STON2: variants seen among roughly 807,000 people sequenced by gnomAD.
STON2 encodes stonin 2.
STON2 carries 29 observed loss-of-function variants against 65.7 expected under a neutral mutation model. The observed-to-expected ratio is 0.44, with a 90% CI of 0.33 to 0.60. The LOEUF (loss-of-function observed/expected upper bound fraction) is 0.60, where lower values mean the gene tolerates loss of function less well. Among genes scored for constraint, STON2 ranks in the 20% least tolerant of loss-of-function variants. The pLI, the probability that STON2 is intolerant of heterozygous loss-of-function variation, is 0.03. For missense variants in STON2, 1,054 were observed against 1,118.1 expected (o/e 0.94, Z 0.82); for synonymous variants, 404 against 414.2 (o/e 0.98, Z 0.30).
At chr14:81,404,890 A>T (rs2140460072), upstream of STON2, among the ~76,000 whole-genome samples, 1 of 152,314 alleles carries the variant, frequency 6.6e-6, no homozygotes, top group East Asian at 1.9e-4. Flanking sequence ...TACTTTTCAC[A>T]AGACAGAGAA....
intron 5 of STON2, among the ~76,000 whole-genome samples, chr14:81,303,152 G>A (rs1896037236): frequency 6.6e-6 from 1 of 151,948 alleles, no homozygotes; most frequent in Non-Finnish European, 1.5e-5. Flanking sequence ...CAGAGGATAA[G>A]CAGAGAGAAA....
chr14:81,332,828 C>T (rs116761652), intron 4 of STON2: 1,964 of 164,222 alleles, frequency 0.012, 38 homozygotes, highest in African/African-American at 0.044. Context: ...ATTTTAAGAG[C>T]TTTTTTTTCA....
chr14:81,334,309 T>C (rs1189205459), intron 4 of STON2, among the ~76,000 whole-genome samples: 1 of 152,256 alleles, frequency 6.6e-6, no homozygotes, highest in African/African-American at 2.4e-5. Context: ...CTCCCTCGAC[T>C]ACTTTTTCCC....
intron 5 of STON2, among the ~76,000 whole-genome samples, chr14:81,283,561 C>T (rs1250184326): frequency 2.9e-5 from 4 of 140,088 alleles, no homozygotes; most frequent in South Asian, 4.4e-4. Context: ...GATGGAGTCT[C>T]GCTGTGTTGC....
rs542021861 is a variant in STON2, at chr14:81,417,065, A to G, written c.-199+10037T>C. On this transcript the variant is annotated intron_variant, in intron 2 of 8. Transcript: ENST00000553821. ...TCCCCCTTCCTCTTTTGTAAAAATC[A>G]AACTTTCCTTGTGGGTTGAACTGCC... is the stretch of plus-strand genomic sequence containing the variant. Among the ~76,000 whole-genome samples, 3 of 152,278 alleles carry G rather than the reference A, an allele frequency of 2.0e-5. No homozygotes were observed. The East Asian group carries it at 5.8e-4, about 29-fold the overall frequency.
chr14:81,420,436 T>A (rs1901649356), intron 2 of STON2, among the ~76,000 whole-genome samples: 1 of 152,184 alleles, frequency 6.6e-6, no homozygotes, highest in Non-Finnish European at 1.5e-5. Context: ...CATTCATTCA[T>A]TCAATAAGCA....
chr14:81,414,407 C>T (rs1901319107), intron 2 of STON2, among the ~76,000 whole-genome samples: 1 of 152,122 alleles, frequency 6.6e-6, no homozygotes, highest in African/African-American at 2.4e-5. Context: ...TGGATGCTCA[C>T]ACTTAGAAAG....
At chr14:81,304,528 G>A (rs993833332) in intron 5 of STON2, among the ~76,000 whole-genome samples, 4 of 152,158 alleles carry the variant, frequency 2.6e-5, no homozygotes, top group Non-Finnish European at 5.9e-5. Flanking sequence ...TTCAAGACCA[G>A]CCTGGCCAAC....
At position 81,277,266 on chromosome 14, in the gene STON2, G is replaced by A. The variant is rs1894874060; in HGVS notation, c.2216C>T (p.Ala739Val). 1 of 1,614,162 alleles carries A rather than the reference G, an allele frequency of 6.2e-7. No individual in the cohort carries two copies. The highest frequency in any genetic ancestry group is 8.5e-7 in the Non-Finnish European group (1 of 1,180,034). Residue 739 changes from alanine to valine, a missense_variant, in exon 6 of 8, where the codon GCT becomes GTT. Transcript: ENST00000614646. ...FELMRFRTVF[A>V]EKTLPFTLRT... is the part of the protein sequence containing the mutation. ...GAGTGTGAAAGGCAAGGTCTTCTCA[G>A]CAAACACTGTCCTGAACCGCATTAG...
chr14:81,260,810 T>C lies in STON2; in HGVS notation c.*7604A>G, dbSNP rs1595253262. 1 of 149,766 alleles carries C rather than the reference T, an allele frequency of 6.7e-6. No individual in the cohort carries two copies. The highest frequency in any genetic ancestry group is 2.4e-5 in the African/African-American group (1 of 40,866). The allele number at this position is 149,766 out of a possible 1,614,324, so 9.3% of individuals were successfully genotyped here. Reference sequence around the variant, plus strand: ...TTAAAAAAAAAAAAACATAAACTGGTTTTACATAAAATTAACCACAATAGT... The same window carrying C: ...TTAAAAAAAAAAAAACATAAACTGGCTTTACATAAAATTAACCACAATAGT... On this transcript the variant is annotated 3_prime_UTR_variant, in exon 8 of 8. Transcript: ENST00000614646.
At chr14:81,342,365 C>A (rs1487659651) in intron 4 of STON2, among the ~76,000 whole-genome samples, 1 of 152,144 alleles carries the variant, frequency 6.6e-6, no homozygotes, top group Non-Finnish European at 1.5e-5. Flanking sequence ...GAGCTCCTGA[C>A]TTCAGGTGAT....
At chr14:81,377,822 A>G (rs958673751) in intron 3 of STON2, among the ~76,000 whole-genome samples, 2 of 151,832 alleles carry the variant, frequency 1.3e-5, no homozygotes, top group Non-Finnish European at 2.9e-5. Context: ...TTGGTGAAAC[A>G]TATGTTTATT....
At chr14:81,424,961 A>G (rs187652124) in intron 2 of STON2, among the ~76,000 whole-genome samples, 143 of 152,342 alleles carry the variant, frequency 9.4e-4, no homozygotes, top group Non-Finnish European at 1.6e-3. Flanking sequence ...GAAACACACC[A>G]CACTGTTACA....
intron 2 of STON2, among the ~76,000 whole-genome samples, chr14:81,417,135 A>G (rs1415189093): frequency 6.6e-6 from 1 of 152,166 alleles, no homozygotes; most frequent in African/African-American, 2.4e-5. Context: ...TTAGCATCCC[A>G]AAAGGACTCA....
chr14:81,413,046 C>G (rs1375621411), intron 2 of STON2: 10 of 998,674 alleles, frequency 1.0e-5, no homozygotes, highest in Non-Finnish European at 1.5e-5. Flanking sequence ...GAGTGCGCTC[C>G]TCAGGCGCTG....
rs185520001 is a variant in STON2, at chr14:81,305,202, T to C, written c.742+18815A>G. Among the ~76,000 whole-genome samples, 10 of 152,368 alleles carry C rather than the reference T, an allele frequency of 6.6e-5. No homozygotes were observed. The East Asian group carries it at 1.9e-3, about 29-fold the overall frequency. On this transcript the variant is annotated intron_variant, in intron 5 of 7. Transcript: ENST00000614646. ...GTCGATGGACATTTGAGAGCCAGGCTTCTATGAATATTCTTGCACATGCCT... is the reference window on the plus strand; with the variant it reads ...GTCGATGGACATTTGAGAGCCAGGCCTCTATGAATATTCTTGCACATGCCT...
intron 2 of STON2, among the ~76,000 whole-genome samples, chr14:81,422,130 G>A (rs1037632021): frequency 1.3e-5 from 2 of 152,168 alleles, no homozygotes; most frequent in African/African-American, 4.8e-5. Context: ...CAAGTCTCCT[G>A]TTGTAGTTTG....
Position 81,261,546 on chromosome 14 carries a change from G to C in STON2, c.*6868C>G. 1 of 371,430 alleles carries C rather than the reference G, an allele frequency of 2.7e-6. No individual in the cohort carries two copies. The allele number at this position is 371,430 out of a possible 1,614,324, so 23.0% of individuals were successfully genotyped here. ...GTTACTAAGAGACAACGAGGATACA[G>C]AGGGGACTGTCCCTTTTCTCTCATC... On this transcript the variant is annotated 3_prime_UTR_variant, in exon 8 of 8. Coordinates refer to ENST00000614646, the MANE Select transcript of STON2 (RefSeq NM_001394390.1).
At position 81,395,009 on chromosome 14, in the gene STON2, A is replaced by T. The variant is rs1001854952; in HGVS notation, c.373+885T>A. Reference sequence around the variant, plus strand: ...TGGCATACTTCAGTGCACAATAAAGAAGTAGCCAGGTCACCAGGATGGGGA... The same window carrying T: ...TGGCATACTTCAGTGCACAATAAAGTAGTAGCCAGGTCACCAGGATGGGGA... On this transcript the variant is annotated intron_variant, in intron 3 of 7. Coordinates refer to ENST00000614646, the MANE Select transcript of STON2 (RefSeq NM_001394390.1). 11 of 152,322 alleles carry T rather than the reference A, an allele frequency of 7.2e-5. No homozygotes were observed. In the East Asian group the frequency reaches 1.5e-3, roughly 21 times the overall value. 9.4% of individuals were successfully genotyped at this position (152,322 alleles called of 1,614,324 possible).
Sources: allele counts gnomAD v4.1 joint callset (sites outside exome capture counted in the v4.1 genomes callset), GRCh38; gene constraint gnomAD v4.1.1; transcripts MANE v1.5; gene names NCBI Gene and HGNC (gene_info 2026-07-23, HGNC 2026-07-21).